Variants in PPARGC1A observed in about 807,000 individuals in gnomAD.
PPARGC1A encodes the protein peroxisome proliferator-activated receptor gamma coactivator 1-alpha.
A neutral mutation model predicts 88.7 loss-of-function variants in PPARGC1A; 25 were observed. The ratio of observed to expected loss-of-function variants is 0.28; its 90% CI spans 0.21 to 0.39. PPARGC1A has a LOEUF of 0.39. Ranked by LOEUF, PPARGC1A falls within the 10% of genes least tolerant of loss-of-function variation. The pLI is 1.00. For missense variants in PPARGC1A, 880 were observed against 968.7 expected (o/e 0.91, Z 1.22); for synonymous variants, 363 against 355.6 (o/e 1.02, Z -0.24).
At chr4:23,992,293 T>C in the PPARGC1A span, among the ~76,000 whole-genome samples, 1 of 145,378 alleles carries the variant, frequency 6.9e-6, no homozygotes, top group Non-Finnish European at 1.5e-5. Flanking sequence ...TATACTATTA[T>C]TATCAGATAA....
chr4:24,057,896 C>A, the PPARGC1A span, among the ~76,000 whole-genome samples: 1 of 152,126 alleles, frequency 6.6e-6, no homozygotes, highest in South Asian at 2.1e-4. Context: ...GTTGGTGGTT[C>A]CCAAAGCAAT....
the PPARGC1A span, among the ~76,000 whole-genome samples, chr4:24,466,262 T>C: frequency 6.6e-6 from 1 of 152,314 alleles, no homozygotes; most frequent in East Asian, 1.9e-4. Flanking sequence ...AGAAAGTGGG[T>C]AAACTTGGGC....
At chr4:24,390,672 T>G in the PPARGC1A span, among the ~76,000 whole-genome samples, 2 of 152,082 alleles carry the variant, frequency 1.3e-5, no homozygotes, top group African/African-American at 4.8e-5. Flanking sequence ...CTGCTTGCTT[T>G]TCATTTTTAT....
At chr4:24,161,949 G>T in the PPARGC1A span, among the ~76,000 whole-genome samples, 1 of 136,552 alleles carries the variant, frequency 7.3e-6, no homozygotes, top group African/African-American at 2.8e-5. Flanking sequence ...AGTGAATAAA[G>T]AAATTGTGAT....
chr4:24,052,636 C>T, the PPARGC1A span, among the ~76,000 whole-genome samples: 1 of 90,544 alleles, frequency 1.1e-5, no homozygotes, highest in Non-Finnish European at 2.5e-5. Context: ...GATTACATCT[C>T]AGAAAAAAAA....
the PPARGC1A span, among the ~76,000 whole-genome samples, chr4:23,990,686 T>G: frequency 1.0e-5 from 1 of 97,852 alleles, no homozygotes; most frequent in East Asian, 5.4e-4. Flanking sequence ...GCAGCCATCC[T>G]GACGTGGGGT....
the PPARGC1A span, among the ~76,000 whole-genome samples, chr4:24,355,455 CT>C: frequency 1.0e-3 from 153 of 152,292 alleles, 1 homozygote; most frequent in Non-Finnish European, 9.3e-4. Flanking sequence ...CAAGATGCCT[CT>C]TCAATTTATG....
the PPARGC1A span, among the ~76,000 whole-genome samples, chr4:23,951,137 CA>C: frequency 1.1e-3 from 166 of 152,228 alleles, 1 homozygote; most frequent in Non-Finnish European, 1.8e-3. Flanking sequence ...AAAGACCCCC[CA>C]GTCCAGTAGG....
chr4:24,280,433 TA>T, the PPARGC1A span, among the ~76,000 whole-genome samples: 3 of 152,148 alleles, frequency 2.0e-5, no homozygotes, highest in Admixed American at 2.0e-4. Context: ...CCTGAAAGCT[TA>T]GGTGTGTCTC....
the PPARGC1A span, among the ~76,000 whole-genome samples, chr4:24,137,072 C>G: frequency 6.7e-6 from 1 of 150,248 alleles, no homozygotes; most frequent in Admixed American, 6.6e-5. Context: ...CGAGATGGCA[C>G]CACTGCACTC....
chr4:23,908,291 T>C (rs1720311376), upstream of PPARGC1A, among the ~76,000 whole-genome samples: 1 of 152,046 alleles, frequency 6.6e-6, no homozygotes, highest in South Asian at 2.1e-4. Context: ...AATGCAGTAA[T>C]TTCTCACTCA....
rs560368901 is a variant in PPARGC1A at position 23,835,965 on chromosome 4, C to T, written c.235-4214G>A. ...TACAGAGCAAATAAATCAAAGTCAC[C>T]GCAGATGAAGCACACTGGCCTACTC... On this transcript the variant is annotated intron_variant, in intron 2 of 12. Coordinates refer to ENST00000264867, the MANE Select transcript of PPARGC1A (RefSeq NM_013261.5). Among the ~76,000 whole-genome samples, 6 of 152,166 alleles carry T rather than the reference C, an allele frequency of 3.9e-5. No individual in the cohort carries two copies. In the East Asian group the frequency reaches 7.7e-4, roughly 20 times the overall value.
chr4:23,879,214 TG>T (rs1167131835), intron 2 of PPARGC1A, among the ~76,000 whole-genome samples: 1 of 152,220 alleles, frequency 6.6e-6, no homozygotes, highest in African/African-American at 2.4e-5. Context: ...CTATTTGTTT[TG>T]TTAAAATTCC....
At chr4:24,337,632 C>T in the PPARGC1A span, among the ~76,000 whole-genome samples, 6 of 150,860 alleles carry the variant, frequency 4.0e-5, no homozygotes, top group African/African-American at 1.5e-4. Context: ...TACTTACAAG[C>T]ATTGCCTCAT....
At chr4:23,910,256 A>ATATATAATATATATAAATATATATTT in the PPARGC1A span, among the ~76,000 whole-genome samples, 2 of 77,654 alleles carry the variant, frequency 2.6e-5, no homozygotes, top group Non-Finnish European at 5.8e-5. Context: ...AATATATATT[A>ATATATAATATATATAAATATATATTT]TATATATTAA....
chr4:24,157,246 T>G, the PPARGC1A span, among the ~76,000 whole-genome samples: 1 of 152,204 alleles, frequency 6.6e-6, no homozygotes, highest in Admixed American at 6.6e-5. Context: ...TCCCAGGCCA[T>G]CATGGGTCAA....
chr4:24,299,666 C>T, the PPARGC1A span, among the ~76,000 whole-genome samples: 1 of 152,118 alleles, frequency 6.6e-6, no homozygotes, highest in Non-Finnish European at 1.5e-5. Context: ...CCAATCAAAT[C>T]TCTGTGGCAC....
the PPARGC1A span, among the ~76,000 whole-genome samples, chr4:24,413,644 T>C: frequency 6.6e-6 from 1 of 152,202 alleles, no homozygotes; most frequent in Non-Finnish European, 1.5e-5. Context: ...AAAGGAGCCA[T>C]GGGAAACAAG....
chr4:24,135,142 C>T, the PPARGC1A span, among the ~76,000 whole-genome samples: 1 of 152,068 alleles, frequency 6.6e-6, no homozygotes, highest in Non-Finnish European at 1.5e-5. Context: ...GCAATAGACT[C>T]TAATTGACTC....
Sources: gnomAD v4.1 joint callset for allele counts (sites outside exome capture counted in the v4.1 genomes callset) on GRCh38, gnomAD v4.1.1 for gene constraint, MANE v1.5 for transcripts, NCBI Gene and HGNC (gene_info 2026-07-23, HGNC 2026-07-21) for gene names.